CAMK2B: variants seen among roughly 807,000 people sequenced by gnomAD.
CAMK2B encodes the protein calcium/calmodulin dependent protein kinase II beta, also known as calcium/calmodulin-dependent protein kinase type II subunit beta.
In CAMK2B, 27 loss-of-function variants were observed where a neutral mutation model predicts 93.7. The observed-to-expected ratio is 0.29, with a 90% CI of 0.21 to 0.40. The LOEUF (loss-of-function observed/expected upper bound fraction) is 0.40. Among genes scored for constraint, CAMK2B ranks in the 10% least tolerant of loss-of-function variants. The pLI is 1.00. For missense variants in CAMK2B, 568 were observed against 895.8 expected (o/e 0.63, Z 4.67); for synonymous variants, 374 against 358.8 (o/e 1.04, Z -0.48).
chr7:44,310,576 G>C (rs920574935), intron 1 of CAMK2B, among the ~76,000 whole-genome samples: 1 of 152,224 alleles, frequency 6.6e-6, no homozygotes, highest in African/African-American at 2.4e-5. Flanking sequence ...AGCAACCTGC[G>C]TCTGTCAATA....
intron 3 of CAMK2B, 119 bp from the exon 4 acceptor site, chr7:44,259,045 C>T (rs942477554): frequency 1.2e-5 from 11 of 938,714 alleles, no homozygotes; most frequent in East Asian, 8.0e-5. Flanking sequence ...CCCAGAGGAT[C>T]GGGCTGGGTA....
chr7:44,272,652 G>A (rs1489410552), intron 2 of CAMK2B, among the ~76,000 whole-genome samples: 2 of 152,314 alleles, frequency 1.3e-5, no homozygotes, highest in South Asian at 2.1e-4. Context: ...CATGCATGAC[G>A]GAGCTGGAGC....
Position 44,220,107 on chromosome 7 carries a change from G to A in CAMK2B, c.1956C>T (p.Asn652=), listed in dbSNP as rs1065359. Residue 652 remains asparagine (N), a synonymous_variant, in exon 23 of 24, where the codon AAC becomes AAT. Coordinates refer to ENST00000395749, the MANE Select transcript of CAMK2B (RefSeq NM_001220.5). ...VWHRRDGKWQ[N]VHFHCSGAPV... ...GCGCGCCCGAGCAGTGGAAGTGCACGTTCTGCCACTTGCCGTCGCGGCGGT... is the reference window on the plus strand; with the variant it reads ...GCGCGCCCGAGCAGTGGAAGTGCACATTCTGCCACTTGCCGTCGCGGCGGT... 0.41 allele frequency: 659,671 copies of A among 1,608,392 alleles called. 138,307 individuals are homozygous for A. The highest frequency in any genetic ancestry group is 0.44 in the South Asian group (39,914 of 90,834).
At chr7:44,282,936 C>T (rs1584569571) in intron 2 of CAMK2B, among the ~76,000 whole-genome samples, 1 of 152,348 alleles carries the variant, frequency 6.6e-6, no homozygotes, top group Middle Eastern at 3.4e-3. Flanking sequence ...GCTGGTGGTG[C>T]CCTGGGAGGG....
chr7:44,229,039 T>C (rs1583874885), intron 18 of CAMK2B, 115 bp from the exon 19 acceptor site: 3 of 1,005,590 alleles, frequency 3.0e-6, no homozygotes, highest in Non-Finnish European at 4.7e-6. Flanking sequence ...GGCCCTGGGA[T>C]CAGGCCCTGA....
chr7:44,239,470 G>A, intron 13 of CAMK2B, 119 bp downstream of exon 13: 1 of 842,812 alleles, frequency 1.2e-6, no homozygotes, highest in East Asian at 2.7e-5. Flanking sequence ...GGCTCCCGGG[G>A]GCCTGGCGGC....
chr7:44,237,321 C>A (rs1177391521), intron 13 of CAMK2B, among the ~76,000 whole-genome samples: 1 of 152,210 alleles, frequency 6.6e-6, no homozygotes, highest in African/African-American at 2.4e-5. Flanking sequence ...TGGAGATGTA[C>A]CACAGCAGCA....
chr7:44,229,421 A>G lies in CAMK2B; in HGVS notation c.1306T>C (p.Ser436Pro). Residue 436 changes from serine (S) to proline (P), a missense_variant, in exon 18 of 24, where the codon TCT (serine) becomes CCT (proline). Physicochemically the swap from Ser to Pro is moderately conservative, Grantham distance 74. This residue lies in a region of CAMK2B where 308 missense variants were observed against 292.1 expected (regional missense o/e 1.05). Transcript: ENST00000395749. ...PEAEGPLPCP[S>P]PAPFSPLPAP... is the part of the protein sequence containing the mutation. ...GGCAGGGGGCTAAAGGGAGCCGGAGATGGGCAGGGCAGGGGCCCCTCGGCT... is the reference window on the plus strand; with the variant it reads ...GGCAGGGGGCTAAAGGGAGCCGGAGGTGGGCAGGGCAGGGGCCCCTCGGCT... The G allele has an allele frequency of 6.6e-7, 1 of 1,512,134 alleles. No individual in the cohort carries two copies. Among genetic ancestry groups the G allele is most frequent in the Non-Finnish European group, 8.8e-7 (1 of 1,130,280 alleles). The allele number at this position is 1,512,134 out of a possible 1,614,324, so 93.7% of individuals were successfully genotyped here.
At chr7:44,317,052 A>G (rs932693128) in intron 1 of CAMK2B, among the ~76,000 whole-genome samples, 7 of 152,164 alleles carry the variant, frequency 4.6e-5, no homozygotes, top group African/African-American at 1.4e-4. Flanking sequence ...ATCCAGCAGT[A>G]TATAAGCTCC....
chr7:44,229,841 C>T (rs1373317357), intron 17 of CAMK2B: 3 of 234,328 alleles, frequency 1.3e-5, no homozygotes, highest in African/African-American at 2.3e-5. Context: ...AGAGGCCAGG[C>T]GCACGGAGAG....
chr7:44,285,797 GGTGGGAGATGCGGC>G (rs1189393980), intron 1 of CAMK2B, among the ~76,000 whole-genome samples: 1 of 137,422 alleles, frequency 7.3e-6, no homozygotes, highest in East Asian at 2.2e-4. Flanking sequence ...GAGACCCAGC[GGTGGGAGATGCGGC>G]GGGGGGGAGG....
At chr7:44,259,028 A>G in intron 3 of CAMK2B, 102 bp from the exon 4 acceptor site, 2 of 1,065,108 alleles carry the variant, frequency 1.9e-6, no homozygotes, top group South Asian at 1.3e-5. Context: ...TGTAAGCCCT[A>G]GGGCTGCCCA....
At chr7:44,324,248 A>T (rs1415072117) in intron 1 of CAMK2B, among the ~76,000 whole-genome samples, 1 of 152,252 alleles carries the variant, frequency 6.6e-6, no homozygotes, top group Non-Finnish European at 1.5e-5. Context: ...GATGTGTAAG[A>T]GGAAATCTCG....
In CAMK2B at chr7:44,220,701, A is replaced by G; in HGVS notation, c.1683T>C (p.Cys561=). Residue 561 remains cysteine (C), a synonymous_variant, in exon 22 of 24, where the codon TGT becomes TGC. Transcript: ENST00000395749. ...NGDFEAYAKI[C]DPGLTSFEPE... ...GCTCAAACGAGGTCAGCCCTGGGTC[A>G]CAGATTTTCCTGGGGGCCAAATCCA... 6.8e-6 allele frequency: 11 copies of G among 1,611,696 alleles called. No individual in the cohort carries two copies. The highest frequency in any genetic ancestry group is 8.5e-6 in the Non-Finnish European group (10 of 1,179,074).
chr7:44,250,579 G>A (rs2096771194), intron 5 of CAMK2B, among the ~76,000 whole-genome samples: 1 of 149,194 alleles, frequency 6.7e-6, no homozygotes, highest in Non-Finnish European at 1.5e-5. Flanking sequence ...ACCCAGGCTG[G>A]AGTGCAGTGG....
intron 2 of CAMK2B, 22 bp from the exon 3 acceptor site, chr7:44,263,086 G>C: frequency 6.2e-7 from 1 of 1,612,108 alleles, no homozygotes; most frequent in African/African-American, 1.3e-5. Flanking sequence ...GAAAAACAAG[G>C]CGTCACCTCC....
chr7:44,287,357 G>A (rs900540160), intron 1 of CAMK2B, among the ~76,000 whole-genome samples: 4 of 152,100 alleles, frequency 2.6e-5, no homozygotes, highest in African/African-American at 9.7e-5. Flanking sequence ...CCCCTAAAGA[G>A]CACCCTGAAA....
At chr7:44,246,098 C>T (rs2096726933) in intron 6 of CAMK2B, among the ~76,000 whole-genome samples, 1 of 152,176 alleles carries the variant, frequency 6.6e-6, no homozygotes, top group Non-Finnish European at 1.5e-5. Context: ...TTTGCCCAGA[C>T]CTGAGCTGGG....
chr7:44,260,176 G>A (rs1301898098), intron 3 of CAMK2B, among the ~76,000 whole-genome samples: 1 of 150,894 alleles, frequency 6.6e-6, no homozygotes, highest in Non-Finnish European at 1.5e-5. Flanking sequence ...TCCTAGGTTC[G>A]CAGGTCCCTG....
Sources: allele counts gnomAD v4.1 joint callset (sites outside exome capture counted in the v4.1 genomes callset), GRCh38; gene constraint gnomAD v4.1.1; regional missense constraint gnomAD v4.1.1; transcripts MANE v1.5; gene names NCBI Gene and HGNC (gene_info 2026-07-23, HGNC 2026-07-21).